Variants in PCDH15 observed in about 807,000 individuals in gnomAD.
PCDH15 encodes protocadherin related 15, also known as protocadherin-15.
Under a neutral mutation model 178.5 loss-of-function variants are expected in PCDH15, and 129 were observed. The observed-to-expected ratio is 0.72, with a 90% confidence interval of 0.63 to 0.84. The LOEUF is 0.84. Among genes scored for constraint, PCDH15 ranks in the 40% least tolerant of loss-of-function variants. The pLI is 0.00. For synonymous variants in PCDH15, 800 were observed against 732.0 expected (o/e 1.09, Z -1.50); for missense variants, 2,230 against 2,099.9 (o/e 1.06, Z -1.21).
intron 5 of PCDH15, among the ~76,000 whole-genome samples, chr10:54,361,308 T>G (rs1342414006): frequency 6.6e-6 from 1 of 152,056 alleles, no homozygotes; most frequent in Non-Finnish European, 1.5e-5. Flanking sequence ...ATAAAATATT[T>G]CCTCAAAAAG....
intron 1 of PCDH15, among the ~76,000 whole-genome samples, chr10:54,761,168 A>G (rs1441385092): frequency 1.3e-5 from 2 of 152,072 alleles, no homozygotes; most frequent in Non-Finnish European, 2.9e-5. Context: ...AACAAGCTCT[A>G]AAATTCTACA....
chr10:55,000,169 T>C (rs1839766030), intron 2 of PCDH15, among the ~76,000 whole-genome samples: 1 of 152,184 alleles, frequency 6.6e-6, no homozygotes, highest in African/African-American at 2.4e-5. Context: ...CTCATTCTAA[T>C]AAGCCTGGGA....
In PCDH15 at chr10:54,268,604, T is replaced by C. The variant is rs562237543; in HGVS notation, c.877-31673A>G. ...CAGAAGAAAGAATGAAATCCTTTCC[T>C]TTGCAGTAACATGGATGTGCCTGGA... is the stretch of plus-strand genomic sequence containing the variant. On this transcript the variant is annotated intron_variant, in intron 8 of 37. Coordinates refer to ENST00000644397, the MANE Select transcript of PCDH15 (RefSeq NM_001384140.1). Among the ~76,000 whole-genome samples the C allele has an allele frequency of 1.1e-4, 17 of 152,042 alleles. No homozygotes were observed. The South Asian group carries it at 3.3e-3, about 30-fold the overall frequency.
chr10:53,956,169 T>C (rs2087595615), intron 23 of PCDH15, among the ~76,000 whole-genome samples: 1 of 152,172 alleles, frequency 6.6e-6, no homozygotes, highest in Admixed American at 6.5e-5. Flanking sequence ...CAGTAGCTAA[T>C]AGGACTAAGC....
At chr10:54,134,705 A>G (rs948393244) in intron 14 of PCDH15, among the ~76,000 whole-genome samples, 2 of 150,830 alleles carry the variant, frequency 1.3e-5, no homozygotes, top group African/African-American at 4.9e-5. Context: ...GTGAGCCAAG[A>G]TTGCGCCACT....
intron 2 of PCDH15, among the ~76,000 whole-genome samples, chr10:55,336,329 C>A (rs1261547649): frequency 6.6e-6 from 1 of 151,798 alleles, no homozygotes; most frequent in Non-Finnish European, 1.5e-5. Context: ...GAAACCCCCT[C>A]TCTACTAAAA....
intron 1 of PCDH15, among the ~76,000 whole-genome samples, chr10:54,733,043 G>A (rs1047764580): frequency 2.0e-5 from 3 of 151,436 alleles, no homozygotes; most frequent in Non-Finnish European, 3.0e-5. Flanking sequence ...CTACGAAAAC[G>A]TACAGCTAAC....
chr10:54,359,551 T>C (rs1255849643), intron 5 of PCDH15, among the ~76,000 whole-genome samples: 5 of 151,988 alleles, frequency 3.3e-5, no homozygotes, highest in Admixed American at 3.3e-4. Context: ...CTTGAATATA[T>C]CATTTAATAT....
At chr10:54,372,007 T>C (rs1947748029) in intron 4 of PCDH15, among the ~76,000 whole-genome samples, 1 of 151,856 alleles carries the variant, frequency 6.6e-6, no homozygotes, top group Non-Finnish European at 1.5e-5. Flanking sequence ...CTGGAAAGAA[T>C]TTGAATTAGA....
chr10:55,018,036 C>A (rs1168567869), intron 2 of PCDH15, among the ~76,000 whole-genome samples: 14 of 151,944 alleles, frequency 9.2e-5, no homozygotes, highest in Non-Finnish European at 8.8e-5. Flanking sequence ...TATTTGTACT[C>A]CAAAACAGCA....
At chr10:54,499,638 A>G (rs1238555245) in intron 3 of PCDH15, among the ~76,000 whole-genome samples, 1 of 152,182 alleles carries the variant, frequency 6.6e-6, no homozygotes, top group East Asian at 1.9e-4. Flanking sequence ...AAACAAAGAT[A>G]CAATATGCCA....
chr10:54,455,174 T>A lies in PCDH15; in HGVS notation c.157+72638A>T, dbSNP rs533850229. 7.2e-5 allele frequency among the ~76,000 whole-genome samples: 11 copies of A among 152,256 alleles called. No individual in the cohort carries two copies. In the South Asian group the frequency reaches 1.0e-3, roughly 14 times the overall value. On this transcript the variant is annotated intron_variant, in intron 3 of 37. Transcript: ENST00000644397. ...TGTGGAACTGTGACTTAATTATACC[T>A]CTTTTCTTTATAAATTACCAAGTCT...
chr10:54,201,926 AC>A (rs1485634439), intron 10 of PCDH15, among the ~76,000 whole-genome samples: 3 of 152,188 alleles, frequency 2.0e-5, no homozygotes, highest in African/African-American at 7.2e-5. Context: ...AATGGGCCTC[AC>A]CCAGCCCCCT....
chr10:54,487,120 G>A (rs1366937543), intron 3 of PCDH15, among the ~76,000 whole-genome samples: 3 of 151,958 alleles, frequency 2.0e-5, no homozygotes, highest in African/African-American at 7.2e-5. Flanking sequence ...AAAAGTCAGA[G>A]TATTTTAAAA....
intron 2 of PCDH15, among the ~76,000 whole-genome samples, chr10:54,934,129 T>C (rs1003779162): frequency 6.6e-6 from 1 of 152,168 alleles, no homozygotes; most frequent in Non-Finnish European, 1.5e-5. Flanking sequence ...GTAAATAAAC[T>C]TGTGATTTGA....
intron 1 of PCDH15, among the ~76,000 whole-genome samples, chr10:54,746,718 C>T (rs546868190): frequency 1.3e-5 from 2 of 152,150 alleles, no homozygotes; most frequent in South Asian, 4.1e-4. Flanking sequence ...TGTCAGGGTT[C>T]CCCAGGACCA....
intron 2 of PCDH15, among the ~76,000 whole-genome samples, chr10:55,605,331 G>T (rs1229447364): frequency 2.0e-5 from 3 of 152,064 alleles, no homozygotes; most frequent in Non-Finnish European, 1.5e-5. Flanking sequence ...GGAGGAACTG[G>T]TACCATTCCT....
At chr10:54,696,422 T>G (rs1307094020) in intron 1 of PCDH15, among the ~76,000 whole-genome samples, 5 of 152,148 alleles carry the variant, frequency 3.3e-5, no homozygotes, top group African/African-American at 1.2e-4. Context: ...AATCTATTCC[T>G]GGTGAAGATG....
chr10:55,202,997 C>T (rs1307584465), intron 1 of PCDH15, among the ~76,000 whole-genome samples: 1 of 152,094 alleles, frequency 6.6e-6, no homozygotes, highest in Non-Finnish European at 1.5e-5. Context: ...AAAACACATA[C>T]TTAACAATGC....
Sources: allele counts gnomAD v4.1 joint callset (sites outside exome capture counted in the v4.1 genomes callset), GRCh38; gene constraint gnomAD v4.1.1; transcripts MANE v1.5; gene names NCBI Gene and HGNC (gene_info 2026-07-23, HGNC 2026-07-21).